Variants in SCIN observed in about 807,000 individuals in gnomAD.
SCIN encodes scinderin.
SCIN carries 91 observed loss-of-function variants against 91.8 expected under a neutral mutation model. The observed-to-expected ratio is 0.99, with a 90% CI of 0.84 to 1.18. The LOEUF (loss-of-function observed/expected upper bound fraction) is 1.18. Ranked by LOEUF, SCIN falls within the 50% of genes most tolerant of loss-of-function variation. SCIN has a pLI of 0.00. For synonymous variants in SCIN, 367 were observed against 312.6 expected, an observed-to-expected ratio of 1.17 and a Z score of -1.84; for missense variants, 1,087 against 863.9, an observed-to-expected ratio of 1.26 and a Z score of -3.24.
In SCIN at chr7:12,627,430, A is replaced by C. The variant is rs141107736; in HGVS notation, c.1197+631A>C. Among the ~76,000 whole-genome samples, 3 of 152,162 alleles carry C rather than the reference A, an allele frequency of 2.0e-5. No individual in the cohort carries two copies. In the East Asian group the frequency reaches 5.8e-4, roughly 30 times the overall value. ...TTCTCTGTGCTCAACCTCTAGCGATACTTCTCACATAATTTATCATATACC... is the reference window on the plus strand; with the variant it reads ...TTCTCTGTGCTCAACCTCTAGCGATCCTTCTCACATAATTTATCATATACC... On this transcript the variant is annotated intron_variant, in intron 8 of 15. Coordinates refer to ENST00000297029, the MANE Select transcript of SCIN (RefSeq NM_001112706.3).
intron 4 of SCIN, among the ~76,000 whole-genome samples, chr7:12,612,210 C>A (rs1370179092): frequency 6.6e-6 from 1 of 152,096 alleles, no homozygotes; most frequent in Non-Finnish European, 1.5e-5. Context: ...ATTTTGTAAT[C>A]CCTCATTCAT....
intron 4 of SCIN, among the ~76,000 whole-genome samples, chr7:12,610,839 T>G (rs1783175799): frequency 6.6e-6 from 1 of 152,142 alleles, no homozygotes; most frequent in Admixed American, 6.6e-5. Flanking sequence ...TGCAATACTG[T>G]CCCACATATT....
In SCIN at chr7:12,644,424, A is replaced by G. The variant is rs1166793314; in HGVS notation, c.1759+109A>G. ...TTCTAATGGCTTATAAGGGTTAACA[A>G]TCTCTCCATTAGTTGCAGAGGTGGG... is the stretch of plus-strand genomic sequence containing the variant. On this transcript the variant is annotated intron_variant, in intron 12 of 15. Coordinates refer to ENST00000297029, the MANE Select transcript of SCIN (RefSeq NM_001112706.3). 6 of 1,440,674 alleles carry G rather than the reference A, an allele frequency of 4.2e-6. No homozygotes were observed. The South Asian group carries it at 4.2e-5, about 10-fold the overall frequency. The allele number at this position is 1,440,674 out of a possible 1,614,324, so 89.2% of individuals were successfully genotyped here.
At chr7:12,636,166 C>G in intron 10 of SCIN, 31 bp downstream of exon 10, 1 of 1,538,444 alleles carries the variant, frequency 6.5e-7, no homozygotes, top group African/African-American at 1.4e-5. Context: ...AAAACTCACA[C>G]AAGTTAAAGT....
At chr7:12,596,460 G>A (rs1425390032) in intron 3 of SCIN, 1 of 456,220 alleles carries the variant, frequency 2.2e-6, no homozygotes, top group Admixed American at 2.3e-5. Flanking sequence ...TCTTTCTGGT[G>A]CCAGCTGCCA....
At chr7:12,633,348 A>G (rs1325272212) in intron 9 of SCIN, among the ~76,000 whole-genome samples, 10 of 152,246 alleles carry the variant, frequency 6.6e-5, no homozygotes, top group Admixed American at 2.0e-4. Context: ...TTAATGAGCA[A>G]CAACCACCAC....
chr7:12,599,610 T>C (rs1021079016), intron 3 of SCIN, among the ~76,000 whole-genome samples: 7 of 152,210 alleles, frequency 4.6e-5, no homozygotes, highest in African/African-American at 1.7e-4. Context: ...TTTTCCATAG[T>C]GGTCGTTAGT....
chr7:12,644,387 C>A, intron 12 of SCIN, 72 bp downstream of exon 12: 2 of 1,490,432 alleles, frequency 1.3e-6, no homozygotes, highest in Non-Finnish European at 9.0e-7. Context: ...TTTTTTTCAC[C>A]AAAAAGTCAC....
chr7:12,600,275 C>A (rs528170390), intron 3 of SCIN, among the ~76,000 whole-genome samples: 1 of 152,260 alleles, frequency 6.6e-6, no homozygotes, highest in South Asian at 2.1e-4. Flanking sequence ...ATCATATGTT[C>A]TCACTTATAT....
chr7:12,593,223 C>T (rs1023245370), intron 3 of SCIN, among the ~76,000 whole-genome samples: 6 of 152,144 alleles, frequency 3.9e-5, no homozygotes, highest in Middle Eastern at 3.2e-3. Context: ...TCTTTTGTGC[C>T]CTTGGGTACT....
intron 9 of SCIN, 92 bp downstream of exon 9, chr7:12,629,314 C>G: frequency 8.4e-7 from 1 of 1,183,950 alleles, no homozygotes; most frequent in Non-Finnish European, 1.2e-6. Context: ...TAGAATAATC[C>G]TATAATCATC....
intron 4 of SCIN, among the ~76,000 whole-genome samples, chr7:12,612,045 G>A (rs1192419637): frequency 6.7e-6 from 1 of 148,652 alleles, no homozygotes; most frequent in Admixed American, 6.6e-5. Context: ...TCGAAACTCT[G>A]TACTTTGTAA....
intron 8 of SCIN, among the ~76,000 whole-genome samples, chr7:12,628,070 C>A (rs1224373559): frequency 2.7e-5 from 4 of 149,882 alleles, no homozygotes; most frequent in African/African-American, 9.9e-5. Flanking sequence ...TGTGTGTTTG[C>A]TTGCATGTAC....
chr7:12,582,821 C>T (rs886975124), intron 3 of SCIN, among the ~76,000 whole-genome samples: 12 of 152,076 alleles, frequency 7.9e-5, no homozygotes, highest in African/African-American at 2.4e-4. Context: ...CACACAGTTC[C>T]GAAAGCAATT....
intron 14 of SCIN, among the ~76,000 whole-genome samples, chr7:12,650,359 G>A (rs938379061): frequency 2.6e-5 from 4 of 152,126 alleles, no homozygotes; most frequent in African/African-American, 4.8e-5. Flanking sequence ...AAACATTCTT[G>A]TGTATTTAAG....
intron 4 of SCIN, among the ~76,000 whole-genome samples, chr7:12,611,369 T>G (rs1051538037): frequency 2.6e-5 from 4 of 152,210 alleles, no homozygotes; most frequent in Non-Finnish European, 4.4e-5. Context: ...AGTAAAAGAT[T>G]ACCAAATCAA....
chr7:12,651,801 T>C lies in SCIN; in HGVS notation c.1960-40T>C, dbSNP rs140860595. ...CATAGGGCCTAGCACTGAGTCAACA[T>C]CCCAGAAATCATACATATTGTTATT... is the stretch of plus-strand genomic sequence containing the variant. On this transcript the variant is annotated intron_variant, in intron 14 of 15. Transcript: ENST00000297029. This position sits in a 1 kb window ranked among gnomAD's most constrained non-coding sequence, Gnocchi z 5.9. The C allele has an allele frequency of 9.2e-4, 1,222 of 1,329,934 alleles. 2 individuals are homozygous for C. Among genetic ancestry groups the C allele is most frequent in the Non-Finnish European group, 1.2e-3 (1,101 of 941,496 alleles). 82.4% of individuals were successfully genotyped at this position (1,329,934 alleles called of 1,614,324 possible). A position where few individuals can be genotyped will look rare whatever the true frequency, so the allele number is the denominator to read the frequency against.
At chr7:12,587,719 G>A (rs750685706) in intron 3 of SCIN, among the ~76,000 whole-genome samples, 76 of 152,198 alleles carry the variant, frequency 5.0e-4, no homozygotes, top group Non-Finnish European at 9.3e-4. Context: ...TAGGCTCATG[G>A]AGGGGTGTAG....
At chr7:12,628,963 C>A in intron 8 of SCIN, 138 bp from the exon 9 acceptor site, 1 of 733,608 alleles carries the variant, frequency 1.4e-6, no homozygotes, top group Non-Finnish European at 2.1e-6. Context: ...AATTTCTTTG[C>A]TTGATTTGTA....
Sources: allele counts gnomAD v4.1 joint callset (sites outside exome capture counted in the v4.1 genomes callset), GRCh38; gene constraint gnomAD v4.1.1; non-coding constraint Gnocchi (gnomAD v3.1); transcripts MANE v1.5; gene names NCBI Gene and HGNC (gene_info 2026-07-23, HGNC 2026-07-21).